The following GRIA4 variants were observed in gnomAD, a reference collection of about 807,000 sequenced individuals.
GRIA4 encodes the protein glutamate receptor 4.
GRIA4 carries 34 observed loss-of-function variants against 104.0 expected under a neutral mutation model. The ratio of observed to expected loss-of-function variants is 0.33; its 90% CI spans 0.25 to 0.44. The LOEUF (loss-of-function observed/expected upper bound fraction) is 0.44. Among genes scored for constraint, GRIA4 ranks in the 20% least tolerant of loss-of-function variants. The pLI, the probability that GRIA4 is intolerant of heterozygous loss-of-function variation, is 1.00. For missense variants in GRIA4, 750 were observed against 1,096.5 expected, an observed-to-expected ratio of 0.68 and a Z score of 4.46; for synonymous variants, 386 against 381.9, an observed-to-expected ratio of 1.01 and a Z score of -0.13.
intron 9 of GRIA4, among the ~76,000 whole-genome samples, chr11:105,907,603 T>C (rs1158792141): frequency 1.3e-5 from 2 of 152,174 alleles, no homozygotes; most frequent in Non-Finnish European, 1.5e-5. Flanking sequence ...AGCTGCTAAG[T>C]ACAGCAGAAT....
intron 6 of GRIA4, among the ~76,000 whole-genome samples, chr11:105,890,745 C>T (rs1195146913): frequency 2.0e-5 from 3 of 152,202 alleles, no homozygotes; most frequent in African/African-American, 7.2e-5. Context: ...ACAGCATGAG[C>T]TATGCCTGAT....
Position 105,769,014 on chromosome 11 carries a change from G to T in GRIA4, c.487+15794G>T, listed in dbSNP as rs540193671. Among the ~76,000 whole-genome samples, 8 of 152,152 alleles carry T rather than the reference G, an allele frequency of 5.3e-5. No individual in the cohort carries two copies. The East Asian group carries it at 1.2e-3, about 22-fold the overall frequency. The stretch of plus-strand genomic sequence containing the variant: ...AGGAAGTTGAAATAGAGTAGAAGAG[G>T]TGAAAAGCTAGGGATCAACATTCAT... On this transcript the variant is annotated intron_variant, in intron 4 of 16. Transcript: ENST00000282499.
chr11:105,761,467 T>C (rs893775280), intron 4 of GRIA4, among the ~76,000 whole-genome samples: 1 of 152,168 alleles, frequency 6.6e-6, no homozygotes, highest in African/African-American at 2.4e-5. Flanking sequence ...GGAAATATTA[T>C]CCTGTATTAT....
At chr11:105,887,969 A>T (rs1946325438) in intron 6 of GRIA4, among the ~76,000 whole-genome samples, 1 of 152,226 alleles carries the variant, frequency 6.6e-6, no homozygotes, top group Non-Finnish European at 1.5e-5. Flanking sequence ...ATGGCTATAT[A>T]AGCAAATCTT....
At chr11:105,754,185 A>G (rs1326061687) in intron 4 of GRIA4, among the ~76,000 whole-genome samples, 1 of 152,120 alleles carries the variant, frequency 6.6e-6, no homozygotes, top group Non-Finnish European at 1.5e-5. Flanking sequence ...TCTCATTAGC[A>G]CACTAGAGAC....
chr11:105,923,631 A>G (rs753125779), intron 11 of GRIA4, among the ~76,000 whole-genome samples: 6 of 152,204 alleles, frequency 3.9e-5, no homozygotes, highest in East Asian at 3.8e-4. Flanking sequence ...TCCTCATTTT[A>G]TAGCTGTAGA....
chr11:105,629,244 A>G (rs1381838285), intron 3 of GRIA4, among the ~76,000 whole-genome samples: 1 of 147,816 alleles, frequency 6.8e-6, no homozygotes, highest in African/African-American at 2.5e-5. Context: ...AAGAAAATAA[A>G]CTAAAAATAA....
chr11:105,959,292 G>A (rs752520659), intron 14 of GRIA4, among the ~76,000 whole-genome samples: 8 of 152,100 alleles, frequency 5.3e-5, no homozygotes, highest in Non-Finnish European at 1.0e-4. Context: ...TGGAGACTTT[G>A]TTCATTCTTT....
chr11:105,894,602 A>T (rs536464128), intron 6 of GRIA4, among the ~76,000 whole-genome samples: 8 of 152,078 alleles, frequency 5.3e-5, no homozygotes, highest in Non-Finnish European at 1.2e-4. Context: ...AGCAATGCAC[A>T]TATGTTGGTT....
At chr11:105,898,576 T>G (rs1326271371) in intron 7 of GRIA4, 149 bp downstream of exon 7, 8 of 599,982 alleles carry the variant, frequency 1.3e-5, no homozygotes, top group Non-Finnish European at 2.3e-5. Context: ...TTGCACATGC[T>G]CTTAATAATT....
chr11:105,913,444 TTTTATC>T (rs1947313989), intron 10 of GRIA4: 1 of 462,810 alleles, frequency 2.2e-6, no homozygotes, highest in Non-Finnish European at 2.8e-6. Context: ...ATATCATCAT[TTTTATC>T]TTTAAGTCTT....
intron 3 of GRIA4, among the ~76,000 whole-genome samples, chr11:105,744,989 A>T (rs1939555695): frequency 6.6e-6 from 1 of 152,136 alleles, no homozygotes; most frequent in East Asian, 1.9e-4. Flanking sequence ...TCAAAAAGGG[A>T]ATAGGTAAAC....
chr11:105,718,032 A>C (rs868065978), intron 3 of GRIA4, among the ~76,000 whole-genome samples: 2 of 152,152 alleles, frequency 1.3e-5, no homozygotes, highest in Non-Finnish European at 1.5e-5. Flanking sequence ...GGAACTGAAC[A>C]ATGAGGCTTT....
intron 16 of GRIA4, 101 bp from the exon 17 acceptor site, chr11:105,979,474 T>G: frequency 9.6e-7 from 1 of 1,042,286 alleles, no homozygotes; most frequent in East Asian, 2.4e-5. Context: ...TGCAGATGTC[T>G]AATTATTTAT....
chr11:105,917,385 T>C (rs1332875943), intron 10 of GRIA4, among the ~76,000 whole-genome samples: 1 of 152,202 alleles, frequency 6.6e-6, no homozygotes. Context: ...ATTCACATGT[T>C]TTATTAAATT....
chr11:105,720,570 C>A (rs1477007221), intron 3 of GRIA4, among the ~76,000 whole-genome samples: 1 of 152,124 alleles, frequency 6.6e-6, no homozygotes, highest in East Asian at 1.9e-4. Flanking sequence ...CATTAAGGAC[C>A]AACCAGTGTA....
chr11:105,774,449 T>G (rs1279290991), intron 4 of GRIA4, among the ~76,000 whole-genome samples: 2 of 151,998 alleles, frequency 1.3e-5, no homozygotes, highest in Non-Finnish European at 2.9e-5. Flanking sequence ...AAAGTGGAAA[T>G]TGAAGGAATA....
intron 16 of GRIA4, among the ~76,000 whole-genome samples, chr11:105,976,475 A>C (rs1858987110): frequency 9.9e-6 from 1 of 100,804 alleles, no homozygotes; most frequent in African/African-American, 3.7e-5. Flanking sequence ...TGAACATTTA[A>C]GACAAAAAAA....
chr11:105,760,943 A>G (rs567113010), intron 4 of GRIA4, among the ~76,000 whole-genome samples: 117 of 152,272 alleles, frequency 7.7e-4, no homozygotes, highest in African/African-American at 2.6e-3. Context: ...GCAAGGTTCT[A>G]TATAATCAAA....
Sources: allele counts gnomAD v4.1 joint callset (sites outside exome capture counted in the v4.1 genomes callset), GRCh38; gene constraint gnomAD v4.1.1; transcripts MANE v1.5; gene names NCBI Gene and HGNC (gene_info 2026-07-23, HGNC 2026-07-21).